The following ADGRG6 variants were observed in gnomAD, a reference collection of about 807,000 sequenced individuals.
The protein encoded by ADGRG6 is G-protein coupled receptor 126.
In ADGRG6, 84 loss-of-function variants were observed where a neutral mutation model predicts 142.4. The observed-to-expected ratio is 0.59, with a 90% CI of 0.49 to 0.71. ADGRG6 has a LOEUF of 0.71. Ranked by LOEUF, ADGRG6 falls within the 30% of genes least tolerant of loss-of-function variation. The pLI, the probability that ADGRG6 is intolerant of heterozygous loss-of-function variation, is 0.00. For synonymous variants in ADGRG6, 521 were observed against 520.5 expected, an observed-to-expected ratio of 1.00 and a Z score of -0.01; for missense variants, 1,367 against 1,466.6, an observed-to-expected ratio of 0.93 and a Z score of 1.11.
chr6:142,325,830 G>A (rs1374812061), intron 2 of ADGRG6, among the ~76,000 whole-genome samples: 1 of 151,830 alleles, frequency 6.6e-6, no homozygotes, highest in South Asian at 2.1e-4. Context: ...TTTAAAAATA[G>A]TCTCTGCTGT....
At chr6:142,442,089 A>G (rs1777779995) in intron 24 of ADGRG6, among the ~76,000 whole-genome samples, 3 of 152,182 alleles carry the variant, frequency 2.0e-5, no homozygotes, top group Non-Finnish European at 4.4e-5. Context: ...GATGGCTTTT[A>G]CCAATTATTG....
At chr6:142,419,261 C>T (rs1776533291) in intron 21 of ADGRG6, among the ~76,000 whole-genome samples, 1 of 152,128 alleles carries the variant, frequency 6.6e-6, no homozygotes, top group African/African-American at 2.4e-5. Context: ...GCAGGCTTGA[C>T]CTCTCTGTCA....
chr6:142,402,795 C>T lies in ADGRG6; in HGVS notation c.1920C>T (p.Ser640=). ...TLMNIFSNIL[S]SSDSDLLESS... ...TGAATATATTTTCTAATATCTTAAG[C>T]AGTTCAGACAGTGACTTGCTTGAGT... Residue 640 remains serine, a synonymous_variant, in exon 13 of 25, where the codon AGC becomes AGT. Transcript: ENST00000367609. The T allele has an allele frequency of 6.3e-7, 1 of 1,593,468 alleles. No individual in the cohort carries two copies. Among genetic ancestry groups the T allele is most frequent in the African/African-American group, 1.3e-5 (1 of 74,340 alleles).
intron 20 of ADGRG6, among the ~76,000 whole-genome samples, chr6:142,416,562 G>A (rs894653683): frequency 6.6e-6 from 1 of 152,168 alleles, no homozygotes; most frequent in Non-Finnish European, 1.5e-5. Flanking sequence ...GACATAGGTG[G>A]TTGTATTAAC....
chr6:142,342,376 G>T (rs2114728565), intron 2 of ADGRG6, among the ~76,000 whole-genome samples: 1 of 152,136 alleles, frequency 6.6e-6, no homozygotes, highest in South Asian at 2.1e-4. Flanking sequence ...TTCAAAATAA[G>T]AAAATTGTAA....
chr6:142,387,279 G>A (rs1259579086), intron 6 of ADGRG6, among the ~76,000 whole-genome samples: 3 of 152,142 alleles, frequency 2.0e-5, no homozygotes, highest in Non-Finnish European at 4.4e-5. Flanking sequence ...GTAAGCTTTT[G>A]TGAGGTTGTC....
intron 1 of ADGRG6, among the ~76,000 whole-genome samples, chr6:142,304,863 C>G (rs1003182385): frequency 6.6e-6 from 1 of 151,904 alleles, no homozygotes; most frequent in African/African-American, 2.4e-5. Context: ...TACTAATTGA[C>G]AGGGGTGGTG....
At chr6:142,433,328 C>T (rs1025435044) in intron 22 of ADGRG6, among the ~76,000 whole-genome samples, 2 of 152,170 alleles carry the variant, frequency 1.3e-5, no homozygotes, top group Non-Finnish European at 2.9e-5. Flanking sequence ...AATCTAGTAA[C>T]CAATTCGAAT....
At chr6:142,311,410 A>G (rs1434136076) in intron 2 of ADGRG6, among the ~76,000 whole-genome samples, 1 of 151,924 alleles carries the variant, frequency 6.6e-6, no homozygotes, top group Non-Finnish European at 1.5e-5. Context: ...CCTCACAGGT[A>G]AATATCTGAA....
chr6:142,317,906 T>C (rs1264251177), intron 2 of ADGRG6, among the ~76,000 whole-genome samples: 4 of 76,560 alleles, frequency 5.2e-5, no homozygotes, highest in African/African-American at 2.2e-4. Flanking sequence ...TATTTATATA[T>C]ATTATATATA....
intron 2 of ADGRG6, among the ~76,000 whole-genome samples, chr6:142,358,856 C>T (rs1036922027): frequency 9.9e-5 from 15 of 151,492 alleles, no homozygotes; most frequent in African/African-American, 3.6e-4. Flanking sequence ...AGCAGTGAGC[C>T]GAGATCATGC....
rs745876758 is a variant in ADGRG6 at position 142,415,980 on chromosome 6, G to A, written c.2854G>A (p.Ala952Thr). ...LATFTWMGLEAIHMYIALVKV... is the reference protein window; with the variant it reads ...LATFTWMGLETIHMYIALVKV... ...AACCTTTACCTGGATGGGGCTAGAA[G>A]CAATTCACATGTACATTGCTCTAGT... Residue 952 changes from alanine (A) to threonine (T), a missense_variant, in exon 20 of 25, where the codon GCA becomes ACA. Physicochemically the swap from Ala to Thr is moderately conservative, Grantham distance 58 (BLOSUM62 0). This residue lies in a region of ADGRG6 where 286 missense variants were observed against 371.4 expected (regional missense o/e 0.77). Coordinates refer to ENST00000367609, the MANE Select transcript of ADGRG6 (RefSeq NM_198569.3). 1 of 1,612,598 alleles carries A rather than the reference G, an allele frequency of 6.2e-7. No individual in the cohort carries two copies. The highest frequency in any genetic ancestry group is 8.5e-7 in the Non-Finnish European group (1 of 1,178,796).
At chr6:142,384,313 C>T (rs1470601610) in intron 6 of ADGRG6, among the ~76,000 whole-genome samples, 1 of 151,920 alleles carries the variant, frequency 6.6e-6, no homozygotes, top group Non-Finnish European at 1.5e-5. Flanking sequence ...CATCAATGTC[C>T]ATAGTAATAC....
intron 24 of ADGRG6, among the ~76,000 whole-genome samples, chr6:142,439,007 C>G (rs1777617895): frequency 6.6e-6 from 1 of 152,008 alleles, no homozygotes; most frequent in Non-Finnish European, 1.5e-5. Flanking sequence ...TATTTTAAGC[C>G]AGGTGCTATG....
chr6:142,318,563 C>T (rs1350182997), intron 2 of ADGRG6, among the ~76,000 whole-genome samples: 1 of 149,066 alleles, frequency 6.7e-6, no homozygotes, highest in Admixed American at 6.9e-5. Context: ...GTGTGATGTG[C>T]GATTTAGTAG....
intron 2 of ADGRG6, among the ~76,000 whole-genome samples, chr6:142,323,783 A>G (rs1382708507): frequency 6.6e-6 from 1 of 152,088 alleles, no homozygotes; most frequent in Non-Finnish European, 1.5e-5. Flanking sequence ...TGTCTGGGAA[A>G]GGTACAATAA....
At chr6:142,342,116 T>A (rs1779687111) in intron 2 of ADGRG6, among the ~76,000 whole-genome samples, 1 of 151,854 alleles carries the variant, frequency 6.6e-6, no homozygotes, top group Non-Finnish European at 1.5e-5. Context: ...TCTGTGTGCA[T>A]AGAGGGAATA....
Position 142,407,304 on chromosome 6 carries a change from T to C in ADGRG6, c.2269-846T>C, listed in dbSNP as rs371261733. 1.2e-3 allele frequency among the ~76,000 whole-genome samples: 178 copies of C among 152,224 alleles called. 6 individuals carry two copies. In the South Asian group the frequency reaches 0.025, roughly 21 times the overall value. On this transcript the variant is annotated intron_variant, in intron 15 of 24. Coordinates refer to ENST00000367609, the MANE Select transcript of ADGRG6 (RefSeq NM_198569.3). ...AGGTACGATGGTGATGGTGTTTTTTTTTGTGTTTTACTGAAAGGCTGGGTA... is the reference window on the plus strand; with the variant it reads ...AGGTACGATGGTGATGGTGTTTTTTCTTGTGTTTTACTGAAAGGCTGGGTA...
At chr6:142,305,252 A>T (rs1017717138) in intron 1 of ADGRG6, among the ~76,000 whole-genome samples, 1 of 152,148 alleles carries the variant, frequency 6.6e-6, no homozygotes, top group Non-Finnish European at 1.5e-5. Flanking sequence ...TGTAAATGTG[A>T]ATTTTTTAAC....
Sources: gnomAD v4.1 joint callset for allele counts (sites outside exome capture counted in the v4.1 genomes callset) on GRCh38, gnomAD v4.1.1 for gene constraint, gnomAD v4.1.1 regional missense constraint, MANE v1.5 for transcripts, NCBI Gene and HGNC (gene_info 2026-07-23, HGNC 2026-07-21) for gene names.